The following ABCD3 variants were observed in gnomAD, a reference collection of about 807,000 sequenced individuals.
ABCD3 encodes ATP-binding cassette sub-family D member 3.
In ABCD3, 41 loss-of-function variants were observed where a neutral mutation model predicts 105.5. The observed-to-expected ratio is 0.39, with a 90% CI of 0.30 to 0.50. The LOEUF is 0.50. Ranked by LOEUF, ABCD3 falls within the 20% of genes least tolerant of loss-of-function variation. The pLI is 0.84. For synonymous variants in ABCD3, 258 were observed against 269.0 expected (o/e 0.96, Z 0.40); for missense variants, 622 against 806.3 (o/e 0.77, Z 2.77).
At chr1:94,502,528 A>G (rs1650148887) in intron 20 of ABCD3, among the ~76,000 whole-genome samples, 1 of 141,886 alleles carries the variant, frequency 7.0e-6, no homozygotes, top group Non-Finnish European at 1.5e-5. Flanking sequence ...ACAGAGTCTC[A>G]TTCTGTCGCC....
the ABCD3 span, among the ~76,000 whole-genome samples, chr1:94,413,342 C>G: frequency 6.6e-6 from 1 of 151,952 alleles, no homozygotes; most frequent in Non-Finnish European, 1.5e-5. Flanking sequence ...GGCTCTTTCC[C>G]TCATGATAGT....
chr1:94,391,457 A>G, the ABCD3 span, among the ~76,000 whole-genome samples: 1 of 152,174 alleles, frequency 6.6e-6, no homozygotes, highest in African/African-American at 2.4e-5. Flanking sequence ...AGTAGCTGTC[A>G]TAGCAGCTAT....
At chr1:94,418,644 C>T in intron 1 of ABCD3, 56 bp downstream of exon 1, 1 of 1,520,550 alleles carries the variant, frequency 6.6e-7, no homozygotes, top group Non-Finnish European at 8.8e-7. Context: ...GCTCCCCGCG[C>T]GCTCTCTCTC....
chr1:94,387,383 C>T, the ABCD3 span, among the ~76,000 whole-genome samples: 1 of 152,154 alleles, frequency 6.6e-6, no homozygotes, highest in African/African-American at 2.4e-5. Context: ...ATTTCCATTT[C>T]TATAAGCTCT....
chr1:94,466,398 T>C (rs1338059415), intron 3 of ABCD3, among the ~76,000 whole-genome samples: 1 of 152,226 alleles, frequency 6.6e-6, no homozygotes, highest in Admixed American at 6.5e-5. Context: ...TTCTTTTCCT[T>C]TTCCAATTTG....
At chr1:94,468,402 G>A (rs4148050) in intron 4 of ABCD3, among the ~76,000 whole-genome samples, 54,803 of 152,074 alleles carry the variant, frequency 0.36, 11,430 homozygotes, top group Middle Eastern at 0.54. Flanking sequence ...AAAGAATCAC[G>A]TTGAGCATGT....
intron 1 of ABCD3, among the ~76,000 whole-genome samples, chr1:94,443,160 G>A (rs1660193660): frequency 6.6e-6 from 1 of 152,028 alleles, no homozygotes; most frequent in Non-Finnish European, 1.5e-5. Flanking sequence ...TAGCCATTTT[G>A]ACTGGTATAG....
At chr1:94,499,861 C>A (rs1650008427) in intron 20 of ABCD3, among the ~76,000 whole-genome samples, 1 of 152,144 alleles carries the variant, frequency 6.6e-6, no homozygotes. Flanking sequence ...TACCAATAAT[C>A]CATTTTTCTA....
At chr1:94,458,877 C>A (rs950101007) in intron 2 of ABCD3, among the ~76,000 whole-genome samples, 33 of 150,778 alleles carry the variant, frequency 2.2e-4, no homozygotes, top group Admixed American at 6.6e-4. Flanking sequence ...AGTTTCCCCC[C>A]CTCTTCTAGC....
At chr1:94,439,559 G>A (rs1043837439) in intron 1 of ABCD3, among the ~76,000 whole-genome samples, 1 of 152,092 alleles carries the variant, frequency 6.6e-6, no homozygotes, top group Non-Finnish European at 1.5e-5. Flanking sequence ...GGAGAACGTG[G>A]GAGGTAGAGG....
At position 94,475,681 on chromosome 1, in the gene ABCD3, CA is replaced by C. The variant is rs1232636253; in HGVS notation, c.573del (p.Asp192MetfsTer2). 1 of 1,610,972 alleles carries C rather than the reference CA, an allele frequency of 6.2e-7. No individual in the cohort carries two copies. ...RIANPDQLLT[Q>X]DVEKFCNSVV... ...AGCTAATCCAGACCAGCTGCTTACA[CA>C]AGATGTAGAAAAATTTTGTAACAGT... is the stretch of plus-strand genomic sequence containing the variant. On this transcript the variant is annotated frameshift_variant, in exon 7 of 23. Transcript: ENST00000370214. LOFTEE classifies it high-confidence loss of function.
intron 21 of ABCD3, among the ~76,000 whole-genome samples, chr1:94,511,401 C>G: frequency 6.6e-6 from 1 of 152,090 alleles, no homozygotes. Context: ...GTAACCCGAC[C>G]TTTCTCTCTG....
chr1:94,475,262 T>C (rs773752722), intron 6 of ABCD3, 22 bp downstream of exon 6: 1 of 1,331,984 alleles, frequency 7.5e-7, no homozygotes, highest in South Asian at 1.3e-5. Context: ...CCTATTTTTA[T>C]ATTAAAAATA....
At chr1:94,405,872 T>C in the ABCD3 span, among the ~76,000 whole-genome samples, 1 of 152,132 alleles carries the variant, frequency 6.6e-6, no homozygotes, top group Non-Finnish European at 1.5e-5. Context: ...TTTCTTCTAG[T>C]TTGTTGTTTG....
chr1:94,398,339 T>C, the ABCD3 span, among the ~76,000 whole-genome samples: 1 of 152,170 alleles, frequency 6.6e-6, no homozygotes, highest in African/African-American at 2.4e-5. Flanking sequence ...TACAATTTAT[T>C]TACTTCTGTG....
chr1:94,413,158 T>C, the ABCD3 span, among the ~76,000 whole-genome samples: 2 of 152,182 alleles, frequency 1.3e-5, no homozygotes, highest in Admixed American at 6.5e-5. Context: ...GATAAATGTA[T>C]CATAAAAAAT....
intron 7 of ABCD3, among the ~76,000 whole-genome samples, chr1:94,477,541 T>C (rs1648820227): frequency 6.6e-6 from 1 of 151,294 alleles, no homozygotes; most frequent in African/African-American, 2.4e-5. Context: ...TGAGCCAAGA[T>C]CTCCAGCCTG....
At chr1:94,496,385 C>G (rs146915671) in intron 16 of ABCD3, among the ~76,000 whole-genome samples, 1 of 151,966 alleles carries the variant, frequency 6.6e-6, no homozygotes, top group Non-Finnish European at 1.5e-5. Context: ...ATAATGTTTT[C>G]AAGGTTCATC....
chr1:94,474,449 T>C (rs564724906), intron 5 of ABCD3, among the ~76,000 whole-genome samples: 1 of 152,308 alleles, frequency 6.6e-6, no homozygotes, highest in Admixed American at 6.5e-5. Context: ...AAGAATGTAA[T>C]ATTCTGAATT....
Sources: gnomAD v4.1 joint callset for allele counts (sites outside exome capture counted in the v4.1 genomes callset) on GRCh38, gnomAD v4.1.1 for gene constraint, MANE v1.5 for transcripts, NCBI Gene and HGNC (gene_info 2026-07-23, HGNC 2026-07-21) for gene names.